ERAP2: variants seen among roughly 807,000 people sequenced by gnomAD.
The protein encoded by ERAP2 is leukocyte-derived arginine aminopeptidase.
Under a neutral mutation model 111.1 loss-of-function variants are expected in ERAP2, and 118 were observed. The ratio of observed to expected loss-of-function variants is 1.06; its 90% CI spans 0.92 to 1.24. The LOEUF (loss-of-function observed/expected upper bound fraction) is 1.24. Among genes scored for constraint, ERAP2 ranks in the 50% most tolerant of loss-of-function variants. The pLI is 0.00. For missense variants in ERAP2, 1,131 were observed against 1,125.8 expected (o/e 1.00, Z -0.07); for synonymous variants, 410 against 401.2 (o/e 1.02, Z -0.26).
intron 1 of ERAP2, among the ~76,000 whole-genome samples, chr5:96,877,629 A>C (rs1235617): frequency 0.52 from 79,520 of 152,052 alleles, 20,968 homozygotes; most frequent in South Asian, 0.61. Flanking sequence ...CTCAAAAAGT[A>C]AAAAACTTTG....
intron 4 of ERAP2, among the ~76,000 whole-genome samples, chr5:96,887,840 C>T (rs772072967): frequency 1.3e-5 from 2 of 152,056 alleles, no homozygotes; most frequent in Non-Finnish European, 2.9e-5. Flanking sequence ...GAAAAATGGG[C>T]ATAGGCCGGG....
chr5:96,889,485 G>C (rs1784105087), intron 5 of ERAP2, 180 bp downstream of exon 5: 2 of 739,890 alleles, frequency 2.7e-6, no homozygotes, highest in Non-Finnish European at 2.4e-6. Flanking sequence ...TTTATGACAT[G>C]CCCCAACAGT....
chr5:96,914,990 T>G (rs940085641), intron 17 of ERAP2, among the ~76,000 whole-genome samples: 1 of 152,086 alleles, frequency 6.6e-6, no homozygotes, highest in Non-Finnish European at 1.5e-5. Flanking sequence ...CCTTAACATA[T>G]GCATATAATT....
At chr5:96,916,781 A>G (rs1787462993) in intron 18 of ERAP2, among the ~76,000 whole-genome samples, 1 of 145,574 alleles carries the variant, frequency 6.9e-6, no homozygotes, top group African/African-American at 2.5e-5. Context: ...TTTTTTTTTA[A>G]AGCATTATAG....
Position 96,880,064 on chromosome 5 carries a change from G to T in ERAP2, c.379G>T (p.Asp127Tyr), listed in dbSNP as rs1489043420. 1.2e-6 allele frequency: 2 copies of T among 1,614,048 alleles called. No homozygotes were observed. Among genetic ancestry groups the T allele is most frequent in the Admixed American group, 3.3e-5 (2 of 59,992 alleles). ...GAATGCCACCCTTCAGTCAGAGGAA[G>T]ATTCAAGATACATGAAACCAGGAAA... is the stretch of plus-strand genomic sequence containing the variant. ...ITNATLQSEE[D>Y]SRYMKPGKEL... The change falls in exon 2 of 19, where the codon GAT (aspartate) becomes TAT (tyrosine). Residue 127 changes from aspartate (D) to tyrosine (Y), a missense_variant. By Grantham distance (160) the Asp-to-Tyr change is radical (BLOSUM62 -3). Coordinates refer to ENST00000437043, the MANE Select transcript of ERAP2 (RefSeq NM_022350.5).
chr5:96,908,306 G>A (rs533624581), intron 13 of ERAP2, among the ~76,000 whole-genome samples: 8 of 152,276 alleles, frequency 5.3e-5, no homozygotes, highest in East Asian at 1.9e-4. Flanking sequence ...ATAATCGTTC[G>A]TTTCCTCTAC....
intron 5 of ERAP2, among the ~76,000 whole-genome samples, chr5:96,889,864 G>T (rs796298117): frequency 6.9e-6 from 1 of 144,538 alleles, no homozygotes; most frequent in East Asian, 2.0e-4. Context: ...ACACACACAC[G>T]CATTGCATAT....
intron 9 of ERAP2, among the ~76,000 whole-genome samples, chr5:96,898,903 T>TC (rs1037408145): frequency 6.6e-6 from 1 of 152,128 alleles, no homozygotes. Flanking sequence ...CCTCTCCATT[T>TC]CCCTCTCCCT....
chr5:96,895,486 G>A, intron 7 of ERAP2, 127 bp downstream of exon 7: 1 of 692,314 alleles, frequency 1.4e-6, no homozygotes, highest in Admixed American at 2.9e-5. Context: ...ATGGCATTTT[G>A]TTTGATACAC....
rs1787724523 is a variant in ERAP2, at chr5:96,918,987, A to T, written c.*1382A>T. 6.6e-6 allele frequency: 1 copy of T among 152,238 alleles called. No individual in the cohort carries two copies. Among genetic ancestry groups the T allele is most frequent in the South Asian group, 2.1e-4 (1 of 4,836 alleles). The allele number at this position is 152,238 out of a possible 1,614,324, so 9.4% of individuals were successfully genotyped here. A position where few individuals can be genotyped will look rare whatever the true frequency, so the allele number is the denominator to read the frequency against. ...GTAGTTTGGAATAAAGAAAGAAAAGATCACTCTACATACAGATAGTAAACT... is the reference window on the plus strand; with the variant it reads ...GTAGTTTGGAATAAAGAAAGAAAAGTTCACTCTACATACAGATAGTAAACT... On this transcript the variant is annotated 3_prime_UTR_variant, in exon 19 of 19. Coordinates refer to ENST00000437043, the MANE Select transcript of ERAP2 (RefSeq NM_022350.5).
At chr5:96,886,466 G>A (rs1783722429) in intron 3 of ERAP2, among the ~76,000 whole-genome samples, 189 bp from the exon 4 acceptor site, 1 of 152,228 alleles carries the variant, frequency 6.6e-6, no homozygotes, top group African/African-American at 2.4e-5. Flanking sequence ...TTTCAACAGA[G>A]TGTTGGGGTA....
At chr5:96,909,787 C>A in intron 15 of ERAP2, 23 bp downstream of exon 15, 1 of 1,604,826 alleles carries the variant, frequency 6.2e-7, no homozygotes, top group Non-Finnish European at 8.5e-7. Context: ...TTCTGTCCTA[C>A]CCTTTGTTCT....
Position 96,885,408 on chromosome 5 carries a change from T to C in ERAP2, c.715-1247T>C, listed in dbSNP as rs796857867. Among the ~76,000 whole-genome samples, 12 of 152,342 alleles carry C rather than the reference T, an allele frequency of 7.9e-5. 1 individual carries two copies. Among genetic ancestry groups the C allele is most frequent in the African/African-American group, 2.9e-4 (12 of 41,578 alleles). On this transcript the variant is annotated intron_variant, in intron 3 of 18. Transcript: ENST00000437043. ...AAATTAATTTGCTGGATAGAGTTCT[T>C]AAAAATTACAGCCCTGTATATACTT...
intron 18 of ERAP2, among the ~76,000 whole-genome samples, chr5:96,916,246 AC>A (rs141123331): frequency 0.45 from 67,218 of 149,068 alleles, 15,135 homozygotes; most frequent in Non-Finnish European, 0.49. Context: ...AAAAACAAAA[AC>A]AAAAAACAAC....
chr5:96,880,124 CA>C lies in ERAP2; in HGVS notation c.442del (p.Ile148LeufsTer13). 1 of 1,614,120 alleles carries C rather than the reference CA, an allele frequency of 6.2e-7. No individual in the cohort carries two copies. Among genetic ancestry groups the C allele is most frequent in the Non-Finnish European group, 8.5e-7 (1 of 1,179,988 alleles). On this transcript the variant is annotated frameshift_variant, in exon 2 of 19. Coordinates refer to ENST00000437043, the MANE Select transcript of ERAP2 (RefSeq NM_022350.5). LOFTEE classifies it high-confidence loss of function. Reference protein sequence around the residue: ...LKVLSYPAHEQIALLVPEKLT... With the variant: ...LKVLSYPAHEXIALLVPEKLT... ...AGTTTTGAGTTACCCTGCTCATGAA[CA>C]AATTGCACTGCTGGTTCCAGAGAAA...
At chr5:96,893,152 C>T (rs1454407501) in intron 6 of ERAP2, among the ~76,000 whole-genome samples, 1 of 152,144 alleles carries the variant, frequency 6.6e-6, no homozygotes, top group Admixed American at 6.6e-5. Flanking sequence ...TCTATCAACA[C>T]TGTATTACAT....
At chr5:96,885,093 A>C (rs1256417367) in intron 3 of ERAP2, among the ~76,000 whole-genome samples, 1 of 152,178 alleles carries the variant, frequency 6.6e-6, no homozygotes, top group African/African-American at 2.4e-5. Context: ...TATCGTCTTC[A>C]TCTGGTGGGG....
intron 15 of ERAP2, 58 bp downstream of exon 15, chr5:96,909,822 G>C (rs140094635): frequency 1.3e-6 from 2 of 1,538,258 alleles, no homozygotes; most frequent in African/African-American, 1.4e-5. Flanking sequence ...AAAAGTCTTT[G>C]ATCAAGCAAG....
chr5:96,884,048 A>G, intron 3 of ERAP2, 118 bp downstream of exon 3: 1 of 537,204 alleles, frequency 1.9e-6, no homozygotes, highest in Non-Finnish European at 3.2e-6. Flanking sequence ...CTATCTATCT[A>G]TCTATCTATC....
Sources: gnomAD v4.1 joint callset for allele counts (sites outside exome capture counted in the v4.1 genomes callset) on GRCh38, gnomAD v4.1.1 for gene constraint, MANE v1.5 for transcripts, NCBI Gene and HGNC (gene_info 2026-07-23, HGNC 2026-07-21) for gene names.